CSMD1: variants seen among roughly 807,000 people sequenced by gnomAD.
CSMD1 encodes the protein CUB and sushi domain-containing protein 1.
In CSMD1, 213 loss-of-function variants were observed where a neutral mutation model predicts 417.5. The ratio of observed to expected loss-of-function variants is 0.51; its 90% CI spans 0.46 to 0.57. The LOEUF is 0.57. CSMD1 is among the 20% of genes least tolerant of loss of function. CSMD1 has a pLI of 0.00. For synonymous variants in CSMD1, 2,862 were observed against 1,736.8 expected (o/e 1.65, Z -16.11); for missense variants, 6,923 against 4,529.7 (o/e 1.53, Z -15.17).
intron 7 of CSMD1, among the ~76,000 whole-genome samples, chr8:3,671,150 G>A (rs1255390185): frequency 2.1e-5 from 3 of 145,790 alleles, no homozygotes; most frequent in Admixed American, 6.9e-5. Flanking sequence ...TATGTATATG[G>A]GATATATATG....
chr8:3,097,292 T>C (rs749962647), intron 46 of CSMD1, among the ~76,000 whole-genome samples: 1 of 152,132 alleles, frequency 6.6e-6, no homozygotes, highest in Non-Finnish European at 1.5e-5. Context: ...CCACACACCT[T>C]AATTTGGGGC....
At chr8:3,832,252 C>T (rs960705621) in intron 5 of CSMD1, among the ~76,000 whole-genome samples, 1 of 152,164 alleles carries the variant, frequency 6.6e-6, no homozygotes, top group Non-Finnish European at 1.5e-5. Context: ...CTGCGCTTCC[C>T]TGCCTGATTT....
chr8:3,844,950 A>C (rs943741831), intron 5 of CSMD1, among the ~76,000 whole-genome samples: 18 of 152,202 alleles, frequency 1.2e-4, no homozygotes, highest in African/African-American at 3.9e-4. Context: ...TTTTATTTTA[A>C]TGAATTAAGA....
chr8:4,645,122 TAA>T (rs2130878380), intron 1 of CSMD1, among the ~76,000 whole-genome samples: 1 of 152,292 alleles, frequency 6.6e-6, no homozygotes, highest in East Asian at 1.9e-4. Flanking sequence ...GAAAGCTCCT[TAA>T]ATACTCCCTG....
At position 3,987,684 on chromosome 8, in the gene CSMD1, T is replaced by C. The variant is rs894817820; in HGVS notation, c.818+10219A>G. On this transcript the variant is annotated intron_variant, in intron 5 of 69. Coordinates refer to ENST00000635120, the MANE Select transcript of CSMD1 (RefSeq NM_033225.6). ...ACAGTTCCCAGACAGAGAAAATGGA[T>C]TGAAAACAGGAAACTGCAAGGTGGA... 4.6e-5 allele frequency among the ~76,000 whole-genome samples: 7 copies of C among 152,202 alleles called. No individual in the cohort carries two copies. In the East Asian group the frequency reaches 5.8e-4, roughly 13 times the overall value.
intron 3 of CSMD1, among the ~76,000 whole-genome samples, chr8:4,343,478 G>T (rs1355402692): frequency 6.6e-6 from 1 of 152,062 alleles, no homozygotes; most frequent in Non-Finnish European, 1.5e-5. Flanking sequence ...CTTGATCATG[G>T]TGATGTACAT....
rs1427660888 is a variant in CSMD1 at position 2,974,581 on chromosome 8, G to A, written c.8610C>T (p.Leu2870=). 6 of 1,612,068 alleles carry A rather than the reference G, an allele frequency of 3.7e-6. No individual in the cohort carries two copies. In the African/African-American group the frequency reaches 4.0e-5, roughly 11 times the overall value. The stretch of plus-strand genomic sequence containing the variant: ...CGCCATAGGTAAACAGCTCTCCAGT[G>A]AGGACGGCGTTGGCAGGGACCCCTG... ...GHPGVPANAV[L]TGELFTYGAV... Residue 2870 remains leucine, a synonymous_variant, in exon 56 of 70, where the codon CTC becomes CTT. Coordinates refer to ENST00000635120, the MANE Select transcript of CSMD1 (RefSeq NM_033225.6).
At chr8:4,187,791 A>C (rs994635129) in intron 3 of CSMD1, among the ~76,000 whole-genome samples, 1 of 152,046 alleles carries the variant, frequency 6.6e-6, no homozygotes, top group Non-Finnish European at 1.5e-5. Context: ...TAAAATAGGC[A>C]GGTATTATTA....
At chr8:2,966,053 C>T in intron 58 of CSMD1, 99 bp from the exon 59 acceptor site, 2 of 1,104,382 alleles carry the variant, frequency 1.8e-6, no homozygotes, top group Non-Finnish European at 1.3e-6. Context: ...AGTTGCTATT[C>T]ACAGTGGTTA....
chr8:3,104,361 A>G (rs34721308), intron 46 of CSMD1, among the ~76,000 whole-genome samples: 15,767 of 152,076 alleles, frequency 0.1, 950 homozygotes, highest in Middle Eastern at 0.15. Context: ...TTTGCACCCA[A>G]TGCAATCCCC....
intron 42 of CSMD1, among the ~76,000 whole-genome samples, chr8:3,114,824 G>C (rs1408061755): frequency 5.3e-5 from 8 of 152,098 alleles, no homozygotes; most frequent in Admixed American, 5.2e-4. Flanking sequence ...TTAGCTGCTT[G>C]CATTTCTCAT....
Position 3,454,431 on chromosome 8 carries a change from G to A in CSMD1, c.1561+14281C>T, listed in dbSNP as rs1815967996. On this transcript the variant is annotated intron_variant, in intron 12 of 69. Coordinates refer to ENST00000635120, the MANE Select transcript of CSMD1 (RefSeq NM_033225.6). The stretch of plus-strand genomic sequence containing the variant: ...ATCAATGGTCTTCACAATTTGGCAT[G>A]TTTTTGCAGTGGCTGGTACCGGTTG... 7.2e-5 allele frequency among the ~76,000 whole-genome samples: 11 copies of A among 152,304 alleles called. No individual in the cohort carries two copies. In the South Asian group the frequency reaches 2.1e-3, roughly 29 times the overall value.
chr8:3,533,916 C>T (rs2117523563), intron 10 of CSMD1, among the ~76,000 whole-genome samples: 1 of 152,270 alleles, frequency 6.6e-6, no homozygotes, highest in African/African-American at 2.4e-5. Flanking sequence ...CCAAGAATCC[C>T]TTTGGTCCAC....
intron 6 of CSMD1, among the ~76,000 whole-genome samples, chr8:3,720,428 T>C (rs1160649844): frequency 1.3e-5 from 2 of 152,204 alleles, no homozygotes; most frequent in African/African-American, 4.8e-5. Context: ...CTGTAAACTA[T>C]TTCCTTTAAG....
At chr8:3,583,456 C>A (rs192739964) in intron 9 of CSMD1, among the ~76,000 whole-genome samples, 1 of 151,972 alleles carries the variant, frequency 6.6e-6, no homozygotes, top group Non-Finnish European at 1.5e-5. Flanking sequence ...TTCCTGGAAA[C>A]CGAAAGAGGT....
chr8:4,159,667 C>A (rs1324118970), intron 3 of CSMD1, among the ~76,000 whole-genome samples: 1 of 152,166 alleles, frequency 6.6e-6, no homozygotes, highest in Non-Finnish European at 1.5e-5. Flanking sequence ...CGGCTCACTG[C>A]AAGCTCCCCC....
chr8:3,991,144 C>A (rs1814715270), intron 5 of CSMD1, among the ~76,000 whole-genome samples: 2 of 152,220 alleles, frequency 1.3e-5, no homozygotes, highest in South Asian at 4.1e-4. Flanking sequence ...ATTGGCCCCA[C>A]AGTAGACATT....
At chr8:4,500,312 G>A (rs963186269) in intron 2 of CSMD1, among the ~76,000 whole-genome samples, 3 of 152,008 alleles carry the variant, frequency 2.0e-5, no homozygotes, top group Admixed American at 6.6e-5. Flanking sequence ...AGGTTACCAG[G>A]GATATTCTGT....
intron 12 of CSMD1, 32 bp downstream of exon 12, chr8:3,468,680 T>C (rs1333192594): frequency 8.4e-6 from 12 of 1,433,982 alleles, no homozygotes; most frequent in Non-Finnish European, 1.1e-5. Flanking sequence ...GAATGCTAAC[T>C]TCCAACCCTG....
Sources: allele counts gnomAD v4.1 joint callset (sites outside exome capture counted in the v4.1 genomes callset), GRCh38; gene constraint gnomAD v4.1.1; transcripts MANE v1.5; gene names NCBI Gene and HGNC (gene_info 2026-07-23, HGNC 2026-07-21).